Variants in SLC8B1 observed in about 807,000 individuals in gnomAD.
SLC8B1 encodes the protein mitochondrial sodium/calcium exchanger protein.
In SLC8B1, 52 loss-of-function variants were observed where a neutral mutation model predicts 63.4. That is an observed-to-expected ratio of 0.82 (90% CI 0.66 to 1.03). SLC8B1 has a LOEUF of 1.03. Ranked by LOEUF, SLC8B1 falls within the 50% of genes least tolerant of loss-of-function variation. The pLI, the probability that SLC8B1 is intolerant of heterozygous loss-of-function variation, is 0.00. For synonymous variants in SLC8B1, 336 were observed against 323.9 expected (o/e 1.04, Z -0.40); for missense variants, 657 against 741.7 (o/e 0.89, Z 1.33).
At chr12:113,327,444 G>A (rs1308751781) in intron 2 of SLC8B1, among the ~76,000 whole-genome samples, 1 of 152,098 alleles carries the variant, frequency 6.6e-6, no homozygotes, top group Non-Finnish European at 1.5e-5. Context: ...AGGCATTGTG[G>A]CTCACATCTG....
intron 7 of SLC8B1, among the ~76,000 whole-genome samples, chr12:113,319,539 C>T (rs934154911): frequency 7.2e-5 from 11 of 152,196 alleles, no homozygotes; most frequent in Non-Finnish European, 1.0e-4. Flanking sequence ...AGCCCTCCAA[C>T]TCTCACTGGG....
chr12:113,307,369 T>G (rs1259410643), intron 13 of SLC8B1, among the ~76,000 whole-genome samples: 1 of 152,066 alleles, frequency 6.6e-6, no homozygotes, highest in African/African-American at 2.4e-5. Context: ...TGTGAATGCC[T>G]GCATGTCACA....
At chr12:113,324,716 T>G (rs1030332135) in intron 2 of SLC8B1, among the ~76,000 whole-genome samples, 1 of 150,654 alleles carries the variant, frequency 6.6e-6, no homozygotes, top group Non-Finnish European at 1.5e-5. Context: ...CCCTTTTTTT[T>G]CCTTTGAGAC....
chr12:113,305,600 C>G lies in SLC8B1; in HGVS notation c.1492+895G>C, dbSNP rs1268240494. On this transcript the variant is annotated intron_variant, in intron 14 of 15. Coordinates refer to ENST00000680972, the MANE Select transcript of SLC8B1 (RefSeq NM_001358345.2). The surrounding 1 kb of genome is among the most constrained non-coding windows in gnomAD (Gnocchi z 4.3). ...TCTATATAGACCAAAAGTTGGCAAACATCAGCCCTCCGGCCAAATTTGGCC... is the reference window on the plus strand; with the variant it reads ...TCTATATAGACCAAAAGTTGGCAAAGATCAGCCCTCCGGCCAAATTTGGCC... Among the ~76,000 whole-genome samples, 1 of 152,234 alleles carries G rather than the reference C, an allele frequency of 6.6e-6. No homozygotes were observed. Among genetic ancestry groups the G allele is most frequent in the African/African-American group, 2.4e-5 (1 of 41,470 alleles).
intron 13 of SLC8B1, 115 bp from the exon 14 acceptor site, chr12:113,306,690 C>A: frequency 2.4e-6 from 2 of 830,828 alleles, no homozygotes; most frequent in Non-Finnish European, 3.9e-6. Context: ...GATGGATGCC[C>A]AAGTGTGCCT....
Position 113,299,701 on chromosome 12 carries a change from C to T in SLC8B1, c.*76G>A, listed in dbSNP as rs1178066126. ...CCCACAAGGGCCTTGCAGAAATGCT[C>T]CGGTCCCTGGGCCTCCCCCGGCAGG... On this transcript the variant is annotated 3_prime_UTR_variant, in exon 16 of 16. Coordinates refer to ENST00000680972, the MANE Select transcript of SLC8B1 (RefSeq NM_001358345.2). 1 of 1,471,688 alleles carries T rather than the reference C, an allele frequency of 6.8e-7. No individual in the cohort carries two copies. Among genetic ancestry groups the T allele is most frequent in the African/African-American group, 1.4e-5 (1 of 71,896 alleles). The allele number at this position is 1,471,688 out of a possible 1,614,324, so 91.2% of individuals were successfully genotyped here.
At chr12:113,323,292 T>C (rs1252716296) in intron 2 of SLC8B1, among the ~76,000 whole-genome samples, 1 of 152,220 alleles carries the variant, frequency 6.6e-6, no homozygotes, top group Admixed American at 6.5e-5. Context: ...CAAAATGCCC[T>C]GGCCAAGCTC....
chr12:113,328,670 A>C (rs750141886), intron 2 of SLC8B1, among the ~76,000 whole-genome samples: 25 of 151,424 alleles, frequency 1.7e-4, no homozygotes, highest in Non-Finnish European at 2.5e-4. Flanking sequence ...TTCACCACCC[A>C]ATTCTTGGTT....
intron 11 of SLC8B1, among the ~76,000 whole-genome samples, chr12:113,311,009 G>C (rs1367279222): frequency 6.6e-6 from 1 of 152,154 alleles, no homozygotes; most frequent in Non-Finnish European, 1.5e-5. Flanking sequence ...CCAAATGACA[G>C]GGGGCTTAAG....
chr12:113,316,051 C>T (rs937195014), intron 10 of SLC8B1, among the ~76,000 whole-genome samples: 2 of 152,028 alleles, frequency 1.3e-5, no homozygotes, highest in Non-Finnish European at 2.9e-5. Context: ...GGTGAAACCC[C>T]GTCTCTACTA....
intron 15 of SLC8B1, 108 bp downstream of exon 15, chr12:113,304,213 A>G (rs1956639020): frequency 1.0e-6 from 1 of 963,676 alleles, no homozygotes; most frequent in African/African-American, 1.6e-5. Flanking sequence ...TCATACAGCC[A>G]GGGACTTAAG....
At position 113,320,990 on chromosome 12, in the gene SLC8B1, A is replaced by T; in HGVS notation, c.362+66T>A. 1 of 1,592,708 alleles carries T rather than the reference A, an allele frequency of 6.3e-7. No homozygotes were observed. The highest frequency in any genetic ancestry group is 8.5e-7 in the Non-Finnish European group (1 of 1,169,802). ...CCTTCCCCCAAACTGAGGGTGACCG[A>T]ATGTCAGCCTCCTGGGACCCCTCCT... On this transcript the variant is annotated intron_variant, in intron 4 of 15. Transcript: ENST00000680972. This position sits in a 1 kb window ranked among gnomAD's most constrained non-coding sequence, Gnocchi z 5.3.
At chr12:113,328,144 A>G (rs1428402120) in intron 2 of SLC8B1, among the ~76,000 whole-genome samples, 1 of 152,054 alleles carries the variant, frequency 6.6e-6, no homozygotes, top group Non-Finnish European at 1.5e-5. Flanking sequence ...GCAGTCTCCT[A>G]CCTCAGCCTC....
chr12:113,305,334 G>A lies in SLC8B1; in HGVS notation c.1493-949C>T, dbSNP rs1389147615. 1.3e-5 allele frequency among the ~76,000 whole-genome samples: 2 copies of A among 152,226 alleles called. No individual in the cohort carries two copies. Among genetic ancestry groups the A allele is most frequent in the Admixed American group, 1.3e-4 (2 of 15,282 alleles). ...TAAAAGGGCAGGCATCACTGTCTCC[G>A]CAGTTAGCCTGTTTTGCCGGCCAAC... On this transcript the variant is annotated intron_variant, in intron 14 of 15. Transcript: ENST00000680972. The surrounding 1 kb of genome is among the most constrained non-coding windows in gnomAD (Gnocchi z 4.3).
rs1004770113 is a variant in SLC8B1 at position 113,321,065 on chromosome 12, G to A, written c.353C>T (p.Ala118Val). ...CCAGAGCCAAACTCACAACTTGGCT[G>A]CGGTGACTCCCAGAATCAGAAACAG... ...LYLFLILGVTAAKFFCPNLSA... is the reference protein window; with the variant it reads ...LYLFLILGVTVAKFFCPNLSA... Residue 118 changes from alanine (A) to valine (V), a missense_variant, in exon 4 of 16, where the codon GCA becomes GTA. Coordinates refer to ENST00000680972, the MANE Select transcript of SLC8B1 (RefSeq NM_001358345.2). 6.2e-7 allele frequency: 1 copy of A among 1,613,276 alleles called. No homozygotes were observed. Among genetic ancestry groups the A allele is most frequent in the Non-Finnish European group, 8.5e-7 (1 of 1,179,638 alleles).
chr12:113,332,886 C>T lies in SLC8B1; in HGVS notation c.-8G>A, dbSNP rs202175735. 2 of 1,613,518 alleles carry T rather than the reference C, an allele frequency of 1.2e-6. No homozygotes were observed. Among genetic ancestry groups the T allele is most frequent in the Non-Finnish European group, 1.7e-6 (2 of 1,179,854 alleles). ...CAGCCTTCTGCCGGCCATCTGCCCC[C>T]ACGGGGCCTGGCCCTTACTCTCCAC... On this transcript the variant is annotated 5_prime_UTR_variant, in exon 2 of 16. Coordinates refer to ENST00000680972, the MANE Select transcript of SLC8B1 (RefSeq NM_001358345.2).
In SLC8B1 at chr12:113,305,475, G is replaced by C. The variant is rs571287429; in HGVS notation, c.1492+1020C>G. On this transcript the variant is annotated intron_variant, in intron 14 of 15. Coordinates refer to ENST00000680972, the MANE Select transcript of SLC8B1 (RefSeq NM_001358345.2). The surrounding 1 kb of genome is among the most constrained non-coding windows in gnomAD (Gnocchi z 4.3). ...TAGCAGCCAACAGTATCCACTGCTG[G>C]CCGAATGCCTGCCGTGCGCCAGGCA... Among the ~76,000 whole-genome samples the C allele has an allele frequency of 6.6e-6, 1 of 152,338 alleles. No homozygotes were observed. The highest frequency in any genetic ancestry group is 2.1e-4 in the South Asian group (1 of 4,834).
chr12:113,310,207 C>G (rs182446813), intron 12 of SLC8B1, 27 bp downstream of exon 12: 38 of 1,609,038 alleles, frequency 2.4e-5, no homozygotes, highest in Middle Eastern at 1.7e-4. Context: ...CCCTCCCCCC[C>G]CATCTCGGAG....
intron 2 of SLC8B1, among the ~76,000 whole-genome samples, chr12:113,328,023 A>AT (rs1957016642): frequency 8.4e-6 from 1 of 118,800 alleles, no homozygotes; most frequent in African/African-American, 3.6e-5. Context: ...CTAAGTTTTA[A>AT]TTATTTATTT....
Sources: allele counts gnomAD v4.1 joint callset (sites outside exome capture counted in the v4.1 genomes callset), GRCh38; gene constraint gnomAD v4.1.1; non-coding constraint Gnocchi (gnomAD v3.1); transcripts MANE v1.5; gene names NCBI Gene and HGNC (gene_info 2026-07-23, HGNC 2026-07-21).